OPCML: variants seen among roughly 807,000 people sequenced by gnomAD.
OPCML encodes opioid-binding protein/cell adhesion molecule.
OPCML carries 13 observed loss-of-function variants against 37.8 expected under a neutral mutation model. The observed-to-expected ratio is 0.34, with a 90% CI of 0.22 to 0.55. The LOEUF is 0.55. OPCML is among the 20% of genes least tolerant of loss of function. The pLI is 0.91. For missense variants in OPCML, 341 were observed against 435.6 expected (o/e 0.78, Z 1.93); for synonymous variants, 176 against 168.8 (o/e 1.04, Z -0.33).
intron 1 of OPCML, among the ~76,000 whole-genome samples, chr11:133,103,594 A>G (rs970857987): frequency 3.9e-5 from 6 of 152,240 alleles, no homozygotes; most frequent in African/African-American, 1.4e-4. Context: ...ATAATTTTGC[A>G]GTAGACATTT....
chr11:133,421,352 C>A (rs1389864898), intron 1 of OPCML: 1 of 985,210 alleles, frequency 1.0e-6, no homozygotes, highest in East Asian at 1.1e-4. Context: ...TGATTACAAG[C>A]CATCAAGATG....
chr11:132,792,675 G>A (rs1444622631), intron 2 of OPCML, among the ~76,000 whole-genome samples: 1 of 152,160 alleles, frequency 6.6e-6, no homozygotes, highest in Non-Finnish European at 1.5e-5. Flanking sequence ...AGAGGGGGTG[G>A]CGGAGGGGAT....
intron 6 of OPCML, 194 bp downstream of exon 6, chr11:132,436,465 C>G (rs1277407413): frequency 2.1e-6 from 2 of 942,594 alleles, no homozygotes; most frequent in East Asian, 2.3e-4. Flanking sequence ...GAATCATGGT[C>G]AGTTCATTTT....
intron 1 of OPCML, among the ~76,000 whole-genome samples, chr11:133,150,053 A>T (rs1388716908): frequency 6.6e-6 from 1 of 151,908 alleles, no homozygotes; most frequent in East Asian, 1.9e-4. Flanking sequence ...ACCTCCACTC[A>T]CTCCTTTCTC....
chr11:132,587,421 A>T (rs2096475335), intron 3 of OPCML, among the ~76,000 whole-genome samples: 1 of 152,192 alleles, frequency 6.6e-6, no homozygotes, highest in Admixed American at 6.6e-5. Context: ...AAACATCAGA[A>T]GATTAGGCAA....
At chr11:133,187,669 A>G (rs1244390453) in intron 1 of OPCML, among the ~76,000 whole-genome samples, 1 of 152,170 alleles carries the variant, frequency 6.6e-6, no homozygotes, top group African/African-American at 2.4e-5. Context: ...GGCACCCAGC[A>G]GCTGTGCAAT....
intron 3 of OPCML, among the ~76,000 whole-genome samples, chr11:132,652,260 T>G (rs1378982250): frequency 1.3e-5 from 2 of 152,104 alleles, no homozygotes; most frequent in Non-Finnish European, 2.9e-5. Flanking sequence ...GTAGCTTTGG[T>G]GTCCCACTCC....
intron 1 of OPCML, among the ~76,000 whole-genome samples, chr11:133,302,984 A>G (rs1166021022): frequency 1.3e-5 from 2 of 152,222 alleles, no homozygotes; most frequent in South Asian, 2.1e-4. Context: ...TAAAATGCCA[A>G]GATTTTCCAT....
chr11:132,775,797 T>C (rs574573333), intron 2 of OPCML, among the ~76,000 whole-genome samples: 137 of 152,334 alleles, frequency 9.0e-4, no homozygotes, highest in Non-Finnish European at 1.2e-3. Flanking sequence ...AGGTGTCATA[T>C]GGGACACTAG....
chr11:133,283,983 C>T (rs1942231335), intron 1 of OPCML, among the ~76,000 whole-genome samples: 2 of 152,174 alleles, frequency 1.3e-5, no homozygotes, highest in South Asian at 4.1e-4. Context: ...CCTAAAACAC[C>T]TTCTCACTTT....
intron 2 of OPCML, among the ~76,000 whole-genome samples, chr11:132,899,240 C>T (rs1329343010): frequency 6.6e-6 from 1 of 152,138 alleles, no homozygotes; most frequent in Admixed American, 6.5e-5. Flanking sequence ...GAAACAAGGA[C>T]AGTAATTGTC....
rs561481578 is a variant in OPCML at position 132,856,450 on chromosome 11, C to G, written c.146+86476G>C. 3.3e-5 allele frequency among the ~76,000 whole-genome samples: 5 copies of G among 152,268 alleles called. No homozygotes were observed. In the East Asian group the frequency reaches 5.8e-4, roughly 18 times the overall value. On this transcript the variant is annotated intron_variant, in intron 2 of 7. Transcript: ENST00000524381. ...CGCTCCAGGAATGTCAGGTGTCTAT[C>G]AGGTGATGGTCATGCAGTTGTTAAA...
At chr11:132,480,079 G>A (rs534394472) in intron 4 of OPCML, among the ~76,000 whole-genome samples, 40 of 152,272 alleles carry the variant, frequency 2.6e-4, no homozygotes, top group Middle Eastern at 3.4e-3. Context: ...CTGAGCTACA[G>A]GAGGACATTC....
At chr11:132,882,926 A>G (rs1021525333) in intron 2 of OPCML, among the ~76,000 whole-genome samples, 3 of 152,236 alleles carry the variant, frequency 2.0e-5, no homozygotes, top group Admixed American at 1.3e-4. Context: ...AATTATGTGT[A>G]TAAAAGCACT....
chr11:132,935,257 A>G (rs1250618431), intron 2 of OPCML, among the ~76,000 whole-genome samples: 2 of 152,170 alleles, frequency 1.3e-5, no homozygotes. Context: ...ATGTTTCCAT[A>G]TTATCTTCTT....
intron 2 of OPCML, among the ~76,000 whole-genome samples, chr11:132,795,069 G>C (rs1223766112): frequency 1.1e-4 from 16 of 152,008 alleles, no homozygotes; most frequent in Non-Finnish European, 1.3e-4. Context: ...GGTATGGCAA[G>C]AGCTTCATTG....
Position 133,206,653 on chromosome 11 carries a change from C to T in OPCML, c.62-263643G>A, listed in dbSNP as rs1039321389. ...TGTCACCCTGAGAGATCACTAGGGCCGAGCAAAGGCTGTGCTCTCCTGCTC... is the reference window on the plus strand; with the variant it reads ...TGTCACCCTGAGAGATCACTAGGGCTGAGCAAAGGCTGTGCTCTCCTGCTC... On this transcript the variant is annotated intron_variant, in intron 1 of 7. Transcript: ENST00000524381. This position sits in a 1 kb window ranked among gnomAD's most constrained non-coding sequence, Gnocchi z 4.7. Among the ~76,000 whole-genome samples the T allele has an allele frequency of 1.3e-5, 2 of 152,138 alleles. No individual in the cohort carries two copies. The highest frequency in any genetic ancestry group is 2.1e-4 in the South Asian group (1 of 4,820).
At chr11:132,521,170 A>G (rs1303284112) in intron 4 of OPCML, among the ~76,000 whole-genome samples, 1 of 152,126 alleles carries the variant, frequency 6.6e-6, no homozygotes, top group Non-Finnish European at 1.5e-5. Flanking sequence ...GGCCACATAA[A>G]TGTCTTCTTT....
At chr11:132,839,587 G>A (rs1008921237) in intron 2 of OPCML, among the ~76,000 whole-genome samples, 7 of 152,146 alleles carry the variant, frequency 4.6e-5, no homozygotes, top group East Asian at 1.9e-4. Flanking sequence ...CAAGGCTGGA[G>A]AGGACTGTTC....
Sources: gnomAD v4.1 joint callset for allele counts (sites outside exome capture counted in the v4.1 genomes callset) on GRCh38, gnomAD v4.1.1 for gene constraint, Gnocchi (gnomAD v3.1) non-coding constraint, MANE v1.5 for transcripts, NCBI Gene and HGNC (gene_info 2026-07-23, HGNC 2026-07-21) for gene names.